SLC28A1: variants seen among roughly 807,000 people sequenced by gnomAD.
SLC28A1 encodes sodium/nucleoside cotransporter 1.
Under a neutral mutation model 74.8 loss-of-function variants are expected in SLC28A1, and 64 were observed. The observed-to-expected ratio is 0.86, with a 90% CI of 0.70 to 1.05. SLC28A1 has a LOEUF of 1.05. Ranked by LOEUF, SLC28A1 falls within the 50% of genes least tolerant of loss-of-function variation. The pLI is 0.00. For missense variants in SLC28A1, 828 were observed against 822.8 expected (o/e 1.01, Z -0.08); for synonymous variants, 359 against 335.0 (o/e 1.07, Z -0.78).
At chr15:84,952,337 T>C in the SLC28A1 span, among the ~76,000 whole-genome samples, 2 of 152,164 alleles carry the variant, frequency 1.3e-5, no homozygotes, top group Admixed American at 1.3e-4. Context: ...GACTCATTTC[T>C]CATCTACAAG....
chr15:84,911,872 A>G (rs1180393292), intron 9 of SLC28A1, among the ~76,000 whole-genome samples: 1 of 149,252 alleles, frequency 6.7e-6, no homozygotes, highest in Non-Finnish European at 1.5e-5. Flanking sequence ...AAAAAAAAAA[A>G]AAAAAGAAGA....
chr15:84,921,070 G>T lies in SLC28A1; in HGVS notation c.957+1G>T, dbSNP rs776251301. The T allele has an allele frequency of 9.3e-6, 15 of 1,612,646 alleles. No homozygotes were observed. Among genetic ancestry groups the T allele is most frequent in the African/African-American group, 1.3e-5 (1 of 74,890 alleles). ...GGCTGGAAACATCTTTGTGAGCCAG[G>T]TGGGTATGGAAGCCTCCTACCCTCA... is the stretch of plus-strand genomic sequence containing the variant. On this transcript the variant is annotated splice_donor_variant, in intron 11 of 18. Coordinates refer to ENST00000394573, the MANE Select transcript of SLC28A1 (RefSeq NM_004213.5). LOFTEE classifies it high-confidence loss of function.
chr15:84,975,527 G>A, the SLC28A1 span: 6 of 456,110 alleles, frequency 1.3e-5, no homozygotes, highest in African/African-American at 4.0e-5. Context: ...TACACCTGCC[G>A]AGTCCCAGCC....
At chr15:84,969,195 C>A in the SLC28A1 span, among the ~76,000 whole-genome samples, 1 of 152,198 alleles carries the variant, frequency 6.6e-6, no homozygotes, top group African/African-American at 2.4e-5. Context: ...CCCTGCTTAA[C>A]TTTGGTATTG....
At chr15:84,906,399 T>C (rs1385541847) in intron 8 of SLC28A1, among the ~76,000 whole-genome samples, 1 of 152,164 alleles carries the variant, frequency 6.6e-6, no homozygotes, top group Non-Finnish European at 1.5e-5. Context: ...CACTGCAGCG[T>C]TGACATCCTG....
At chr15:84,890,930 A>G (rs1026731804) in intron 5 of SLC28A1, among the ~76,000 whole-genome samples, 2 of 152,206 alleles carry the variant, frequency 1.3e-5, no homozygotes, top group Non-Finnish European at 2.9e-5. Flanking sequence ...ACAGGAGCAA[A>G]GGTGAAAACT....
At chr15:84,949,869 G>C (rs1596382749), downstream of SLC28A1, among the ~76,000 whole-genome samples, 1 of 44,894 alleles carries the variant, frequency 2.2e-5, no homozygotes, top group Non-Finnish European at 4.2e-5. Context: ...GGACACAGCA[G>C]GAATGGGGTG....
intron 12 of SLC28A1, among the ~76,000 whole-genome samples, 153 bp from the exon 13 acceptor site, chr15:84,932,992 T>C (rs1442938264): frequency 1.1e-4 from 6 of 55,272 alleles, no homozygotes; most frequent in Non-Finnish European, 2.1e-4. Context: ...ACATAAAAGG[T>C]ATTATTATTA....
intron 6 of SLC28A1, among the ~76,000 whole-genome samples, chr15:84,901,006 G>A (rs980459204): frequency 6.7e-6 from 1 of 150,112 alleles, no homozygotes; most frequent in Admixed American, 6.6e-5. Context: ...GGCAGATCAC[G>A]AGGTCAAGAG....
Position 84,908,726 on chromosome 15 carries a change from G to A in SLC28A1, c.726G>A (p.Leu242=), listed in dbSNP as rs778512830. The A allele has an allele frequency of 1.2e-6, 2 of 1,613,512 alleles. No individual in the cohort carries two copies. The highest frequency in any genetic ancestry group is 2.2e-5 in the East Asian group (1 of 44,862). Residue 242 remains leucine (L), a synonymous_variant, in exon 9 of 19, where the codon CTG becomes CTA. Coordinates refer to ENST00000394573, the MANE Select transcript of SLC28A1 (RefSeq NM_004213.5). ...EWLGEQIRIF[L]SYTKAGSSFV... ...TTGCTTTTTTCTTTCAGATCTTCCT[G>A]AGCTACACGAAGGCTGGCTCCAGCT...
At chr15:84,887,620 C>A in intron 2 of SLC28A1, 125 bp from the exon 3 acceptor site, 1 of 1,537,464 alleles carries the variant, frequency 6.5e-7, no homozygotes. Flanking sequence ...GGCCCCCAGG[C>A]AGGGCTCTGG....
intron 8 of SLC28A1, among the ~76,000 whole-genome samples, chr15:84,906,431 T>A (rs755666477): frequency 2.4e-4 from 37 of 151,594 alleles, no homozygotes; most frequent in Admixed American, 1.5e-3. Flanking sequence ...TCCTCCCACC[T>A]CAGCCTCCCC....
chr15:84,940,771 C>T (rs4980342), intron 15 of SLC28A1: 39,766 of 193,012 alleles, frequency 0.21, 4,920 homozygotes, highest in South Asian at 0.45. Flanking sequence ...ACATCAACAA[C>T]GGATAGGCTG....
the SLC28A1 span, among the ~76,000 whole-genome samples, chr15:84,966,888 C>T: frequency 6.6e-6 from 1 of 152,194 alleles, no homozygotes; most frequent in Non-Finnish European, 1.5e-5. Flanking sequence ...CCACCTGTCT[C>T]AACCTCTTGA....
intron 5 of SLC28A1, among the ~76,000 whole-genome samples, chr15:84,891,851 A>T (rs1042461638): frequency 6.6e-6 from 1 of 152,034 alleles, no homozygotes. Context: ...GATGGGCATG[A>T]GTTTGGGGTG....
At chr15:84,919,269 GAGATAGCATTGGACAGCAAC>G (rs1969517906) in intron 10 of SLC28A1, among the ~76,000 whole-genome samples, 1 of 152,222 alleles carries the variant, frequency 6.6e-6, no homozygotes, top group East Asian at 1.9e-4. Flanking sequence ...TAGGATGTAG[GAGATAGCATTGGACAGCAAC>G]AGATAGCATT....
intron 9 of SLC28A1, among the ~76,000 whole-genome samples, chr15:84,918,054 G>A (rs981826832): frequency 5.3e-5 from 8 of 152,104 alleles, no homozygotes; most frequent in Admixed American, 3.3e-4. Flanking sequence ...GCACCAAAAT[G>A]ATGAGGGTCC....
intron 6 of SLC28A1, 39 bp from the exon 7 acceptor site, chr15:84,904,058 C>G (rs1057302770): frequency 5.6e-6 from 9 of 1,613,744 alleles, no homozygotes; most frequent in Non-Finnish European, 7.6e-6. Context: ...GGTGGGGGTG[C>G]AATGCTGAGG....
chr15:84,892,032 C>G (rs753562556), intron 5 of SLC28A1, among the ~76,000 whole-genome samples: 8 of 151,926 alleles, frequency 5.3e-5, no homozygotes, highest in Admixed American at 1.3e-4. Context: ...CTCATTCTGA[C>G]AGGTTGGAAT....
Sources: gnomAD v4.1 joint callset for allele counts (sites outside exome capture counted in the v4.1 genomes callset) on GRCh38, gnomAD v4.1.1 for gene constraint, MANE v1.5 for transcripts, NCBI Gene and HGNC (gene_info 2026-07-23, HGNC 2026-07-21) for gene names.